Variants in INTS6L observed in about 807,000 individuals in gnomAD.
The protein encoded by INTS6L is integrator complex subunit 6 like.
A neutral mutation model predicts 64.7 loss-of-function variants in INTS6L; 18 were observed. The observed-to-expected ratio is 0.28, with a 90% CI of 0.19 to 0.41. INTS6L has a LOEUF of 0.41. Among genes scored for constraint, INTS6L ranks in the 10% least tolerant of loss-of-function variants. INTS6L has a pLI of 1.00. For synonymous variants in INTS6L, 227 were observed against 235.9 expected, an observed-to-expected ratio of 0.96 and a Z score of 0.34; for missense variants, 533 against 661.0, an observed-to-expected ratio of 0.81 and a Z score of 2.12.
At chrX:135,572,614 ATAT>A (rs1202247562) in intron 11 of INTS6L, 198 bp from the exon 12 acceptor site, 2 of 324,042 alleles carry the variant, frequency 6.2e-6, no homozygotes, top group Non-Finnish European at 1.1e-5. Flanking sequence ...AGAAAAAAAA[ATAT>A]TATTTGTCTT....
rs1459074801 is a variant in INTS6L at position 135,571,721 on chromosome X, C to A, written c.1399-1094C>A. 3 of 111,595 alleles carry A rather than the reference C, an allele frequency of 2.7e-5. No homozygotes were observed. In the East Asian group the frequency reaches 8.4e-4, roughly 31 times the overall value. 9.2% of individuals were successfully genotyped at this position (111,595 alleles called of 1,213,427 possible). A position where few individuals can be genotyped will look rare whatever the true frequency, so the allele number is the denominator to read the frequency against. On this transcript the variant is annotated intron_variant, in intron 11 of 17. Transcript: ENST00000639893. ...TTTATTTATCTATCTATTGATCTAT[C>A]GATTTTTTTTAATTTGATGTTTACC...
chrX:135,580,968 A>C (rs2087355832), intron 16 of INTS6L, 82 bp from the exon 17 acceptor site: 4 of 688,289 alleles, frequency 5.8e-6, no homozygotes, highest in Non-Finnish European at 8.2e-6. Context: ...CACGAAGAAC[A>C]ATTACTAAGG....
intron 16 of INTS6L, among the ~76,000 whole-genome samples, chrX:135,580,836 A>G (rs1025256947): frequency 8.9e-6 from 1 of 112,705 alleles, no homozygotes; most frequent in Admixed American, 9.4e-5. Flanking sequence ...TATGTAGACA[A>G]TTTTAAGCAG....
At chrX:135,553,164 C>A (rs1391869888) in intron 8 of INTS6L, among the ~76,000 whole-genome samples, 1 of 107,711 alleles carries the variant, frequency 9.3e-6, no homozygotes, top group Non-Finnish European at 1.9e-5. Flanking sequence ...ATGTTATATA[C>A]TTTCAGAGAG....
At chrX:135,538,205 A>T (rs908958649) in intron 2 of INTS6L, among the ~76,000 whole-genome samples, 2 of 112,402 alleles carry the variant, frequency 1.8e-5, no homozygotes, top group African/African-American at 6.5e-5. Flanking sequence ...ATTTTCTTTT[A>T]TTGGAGTCCA....
At chrX:135,556,897 A>G (rs1205629298) in intron 9 of INTS6L, among the ~76,000 whole-genome samples, 2 of 111,988 alleles carry the variant, frequency 1.8e-5, no homozygotes, top group Admixed American at 1.9e-4. Flanking sequence ...ACTGCACAGT[A>G]TCCTAGTTGT....
chrX:135,546,259 T>A, intron 3 of INTS6L, 121 bp from the exon 4 acceptor site: 2 of 418,453 alleles, frequency 4.8e-6, no homozygotes, highest in Non-Finnish European at 7.6e-6. Flanking sequence ...GGTCATTTCT[T>A]CCTTATTTAT....
At chrX:135,566,365 C>T (rs1344579747) in intron 9 of INTS6L, among the ~76,000 whole-genome samples, 2 of 111,804 alleles carry the variant, frequency 1.8e-5, no homozygotes, top group Non-Finnish European at 3.8e-5. Flanking sequence ...TAGTAGCTCT[C>T]GAAGGCACTG....
At chrX:135,581,198 G>A in intron 17 of INTS6L, 55 bp downstream of exon 17, 5 of 907,533 alleles carry the variant, frequency 5.5e-6, no homozygotes, top group Non-Finnish European at 7.6e-6. Context: ...GAGCAGTAGG[G>A]CCCAGTGCAG....
intron 9 of INTS6L, among the ~76,000 whole-genome samples, chrX:135,563,896 C>T (rs1184794962): frequency 1.2e-4 from 13 of 109,962 alleles, no homozygotes; most frequent in Admixed American, 4.9e-4. Context: ...GGCATGCACT[C>T]CTCTGAGATT....
At chrX:135,523,402 C>CA (rs782434658) in intron 2 of INTS6L, among the ~76,000 whole-genome samples, 615 of 36,925 alleles carry the variant, frequency 0.017, 48 homozygotes, top group African/African-American at 0.046. Flanking sequence ...ACTCTGTCGT[C>CA]AAAAAAAAAA....
chrX:135,581,189 A>G, intron 17 of INTS6L, 46 bp downstream of exon 17: 1 of 977,701 alleles, frequency 1.0e-6, no homozygotes. Context: ...TTGTTTTTAG[A>G]GCAGTAGGGC....
intron 2 of INTS6L, among the ~76,000 whole-genome samples, chrX:135,544,438 A>G (rs1281305978): frequency 5.4e-5 from 6 of 111,032 alleles, no homozygotes; most frequent in Admixed American, 3.8e-4. Flanking sequence ...TTATCTCGGT[A>G]TCATTTGCTC....
chrX:135,563,027 C>G (rs1368902084), intron 9 of INTS6L, among the ~76,000 whole-genome samples: 1 of 110,987 alleles, frequency 9.0e-6, no homozygotes, highest in African/African-American at 3.3e-5. Context: ...ATTGTTTTCT[C>G]TTTGTTCTAT....
chrX:135,543,449 T>C (rs782011145), intron 2 of INTS6L, among the ~76,000 whole-genome samples: 1 of 111,577 alleles, frequency 9.0e-6, no homozygotes, highest in East Asian at 2.8e-4. Flanking sequence ...TGATCTTCAC[T>C]CCATCCCATC....
intron 9 of INTS6L, among the ~76,000 whole-genome samples, chrX:135,563,190 A>G (rs1410941540): frequency 9.0e-6 from 1 of 111,453 alleles, no homozygotes; most frequent in East Asian, 2.8e-4. Context: ...ACAAATTACC[A>G]CAGTCTACTC....
At chrX:135,568,725 T>TA (rs1294792529) in intron 9 of INTS6L, among the ~76,000 whole-genome samples, 1 of 109,958 alleles carries the variant, frequency 9.1e-6, no homozygotes, top group Non-Finnish European at 1.9e-5. Context: ...TTATTTTTTT[T>TA]ATAGAGACAG....
rs782242788 is a variant in INTS6L, at chrX:135,546,391, AT to A, written c.359del (p.Leu120Ter). 4.4e-5 allele frequency: 51 copies of A among 1,146,391 alleles called. No individual in the cohort carries two copies. The highest frequency in any genetic ancestry group is 2.3e-4 in the Admixed American group (8 of 34,134). The allele number at this position is 1,146,391 out of a possible 1,213,427, so 94.5% of individuals were successfully genotyped here. A position where few individuals can be genotyped will look rare whatever the true frequency, so the allele number is the denominator to read the frequency against. ...TAAATGTATTTTAGGGGAGAAATCC[AT>A]TTTTTTTAGAACCATCTATTTTAAT... is the stretch of plus-strand genomic sequence containing the variant. Reference protein sequence around the residue: ...IDNYGQGRNPFFLEPSILITI... With the variant: ...IDNYGQGRNPXFLEPSILITI... On this transcript the variant is annotated frameshift_variant, in exon 4 of 18. Transcript: ENST00000639893. LOFTEE classifies it high-confidence loss of function.
At chrX:135,581,191 C>T in intron 17 of INTS6L, 48 bp downstream of exon 17, 2 of 917,914 alleles carry the variant, frequency 2.2e-6, no homozygotes, top group Non-Finnish European at 3.0e-6. Flanking sequence ...GTTTTTAGAG[C>T]AGTAGGGCCC....
Sources: gnomAD v4.1 joint callset for allele counts (sites outside exome capture counted in the v4.1 genomes callset) on GRCh38, gnomAD v4.1.1 for gene constraint, MANE v1.5 for transcripts, NCBI Gene and HGNC (gene_info 2026-07-23, HGNC 2026-07-21) for gene names.